PRKCE: variants seen among roughly 807,000 people sequenced by gnomAD.
PRKCE encodes protein kinase C epsilon, also known as protein kinase C epsilon type.
PRKCE carries 16 observed loss-of-function variants against 85.4 expected under a neutral mutation model. That is an observed-to-expected ratio of 0.19 (90% CI 0.13 to 0.28). The LOEUF is 0.28. Ranked by LOEUF, PRKCE falls within the 10% of genes least tolerant of loss-of-function variation. The pLI is 1.00. For missense variants in PRKCE, 573 were observed against 975.2 expected (o/e 0.59, Z 5.49); for synonymous variants, 388 against 371.5 (o/e 1.04, Z -0.51).
chr2:46,004,512 G>T lies in PRKCE; in HGVS notation c.967-30G>T. ...AAAACTCTCAACCCTCCCTTCTGAT[G>T]CCTCTGTCCCTGCTTTCTCTCCTCT... On this transcript the variant is annotated intron_variant, in intron 7 of 14. Transcript: ENST00000306156. This position sits in a 1 kb window ranked among gnomAD's most constrained non-coding sequence, Gnocchi z 4.1. 1 of 1,531,734 alleles carries T rather than the reference G, an allele frequency of 6.5e-7. No individual in the cohort carries two copies. The highest frequency in any genetic ancestry group is 1.2e-5 in the South Asian group (1 of 84,636). The allele number at this position is 1,531,734 out of a possible 1,614,324, so 94.9% of individuals were successfully genotyped here.
Position 46,184,595 on chromosome 2 carries a change from G to T in PRKCE, c.2068-140G>T. 1 of 1,095,476 alleles carries T rather than the reference G, an allele frequency of 9.1e-7. No individual in the cohort carries two copies. The highest frequency in any genetic ancestry group is 1.3e-6 in the Non-Finnish European group (1 of 762,552). 67.9% of individuals were successfully genotyped at this position (1,095,476 alleles called of 1,614,324 possible). On this transcript the variant is annotated intron_variant, in intron 14 of 14. Transcript: ENST00000306156. The surrounding 1 kb of genome is among the most constrained non-coding windows in gnomAD (Gnocchi z 5.0). Reference sequence around the variant, plus strand: ...GGGCCATCCATCGTTACCTCATCGGGACAGCCCCGTGTCTGCTGTCTGTTG... The same window carrying T: ...GGGCCATCCATCGTTACCTCATCGGTACAGCCCCGTGTCTGCTGTCTGTTG...
In PRKCE at chr2:45,999,289, C is replaced by T. The variant is rs552373825; in HGVS notation, c.824-2115C>T. On this transcript the variant is annotated intron_variant, in intron 6 of 14. Coordinates refer to ENST00000306156, the MANE Select transcript of PRKCE (RefSeq NM_005400.3). ...CAGATCACTGCCCATAAATTCCTTC[C>T]ATTTTTGTTTGTCTGAGGAAGTTTT... 3.3e-5 allele frequency among the ~76,000 whole-genome samples: 5 copies of T among 152,178 alleles called. No homozygotes were observed. The South Asian group carries it at 8.3e-4, about 25-fold the overall frequency.
chr2:46,036,733 G>T (rs1281633735), intron 10 of PRKCE, among the ~76,000 whole-genome samples: 1 of 152,152 alleles, frequency 6.6e-6, no homozygotes, highest in Non-Finnish European at 1.5e-5. Flanking sequence ...GCAAGAGGTA[G>T]GACTTGAGCT....
rs369414570 is a variant in PRKCE, at chr2:46,169,462, A to G, written c.2067+9710A>G. Among the ~76,000 whole-genome samples the G allele has an allele frequency of 9.5e-4, 144 of 152,298 alleles. 1 individual carries two copies. The highest frequency in any genetic ancestry group is 3.4e-3 in the African/African-American group (140 of 41,556). On this transcript the variant is annotated intron_variant, in intron 14 of 14. Coordinates refer to ENST00000306156, the MANE Select transcript of PRKCE (RefSeq NM_005400.3). ...TCCTTTCTGGACCTATTTCGCCTTA[A>G]CAGCAGCTTTCTTGGAGCACAGAGC...
intron 1 of PRKCE, among the ~76,000 whole-genome samples, chr2:45,781,062 G>C (rs1161444884): frequency 6.6e-6 from 1 of 152,180 alleles, no homozygotes; most frequent in Non-Finnish European, 1.5e-5. Flanking sequence ...GCCGGGCATA[G>C]TGGCTCAAGG....
intron 2 of PRKCE, among the ~76,000 whole-genome samples, chr2:45,949,596 C>G (rs570069084): frequency 6.6e-6 from 1 of 151,374 alleles, no homozygotes; most frequent in Non-Finnish European, 1.5e-5. Context: ...TTGCTTTTTG[C>G]TTTCTGTTTA....
intron 13 of PRKCE, among the ~76,000 whole-genome samples, chr2:46,154,402 A>G (rs1416459291): frequency 6.6e-6 from 1 of 151,370 alleles, no homozygotes; most frequent in East Asian, 1.9e-4. Flanking sequence ...CGTGGAAATT[A>G]CTTCTGTTGC....
intron 14 of PRKCE, among the ~76,000 whole-genome samples, chr2:46,174,527 G>A (rs768654695): frequency 4.6e-5 from 7 of 152,072 alleles, no homozygotes; most frequent in African/African-American, 9.7e-5. Context: ...CCCCTGGGTC[G>A]GTGTCCCCGA....
chr2:46,043,203 C>T (rs1708317395), intron 10 of PRKCE, among the ~76,000 whole-genome samples: 1 of 152,090 alleles, frequency 6.6e-6, no homozygotes, highest in Non-Finnish European at 1.5e-5. Flanking sequence ...ACTTCTGACC[C>T]AAAGCCCTCT....
At chr2:46,086,093 T>G in intron 10 of PRKCE, 115 bp from the exon 11 acceptor site, 1 of 1,114,484 alleles carries the variant, frequency 9.0e-7, no homozygotes, top group Non-Finnish European at 1.3e-6. Flanking sequence ...TCACCCACCT[T>G]TGAGGCTTCT....
At chr2:46,140,015 A>G (rs1191933065) in intron 11 of PRKCE, among the ~76,000 whole-genome samples, 2 of 152,196 alleles carry the variant, frequency 1.3e-5, no homozygotes, top group Non-Finnish European at 2.9e-5. Context: ...TAAGATCTAT[A>G]TGAGAGAATT....
intron 2 of PRKCE, among the ~76,000 whole-genome samples, chr2:45,958,953 C>G (rs753715379): frequency 4.6e-4 from 67 of 146,922 alleles, no homozygotes; most frequent in South Asian, 6.7e-4. Context: ...TTCAGGCTAG[C>G]TATTAACATC....
chr2:46,151,248 C>T lies in PRKCE; in HGVS notation c.1920+19C>T. Reference sequence around the variant, plus strand: ...GAAAGCTGTGAGTCACTGCCCCTCACCCATGGCTGTGCTCTCCTGGGCTCC... The same window carrying T: ...GAAAGCTGTGAGTCACTGCCCCTCATCCATGGCTGTGCTCTCCTGGGCTCC... On this transcript the variant is annotated intron_variant, in intron 13 of 14. Transcript: ENST00000306156. The T allele has an allele frequency of 6.3e-7, 1 of 1,587,294 alleles. No homozygotes were observed.
In PRKCE at chr2:45,978,932, G is replaced by C. The variant is rs10171157; in HGVS notation, c.573-44G>C. On this transcript the variant is annotated intron_variant, in intron 3 of 14. Coordinates refer to ENST00000306156, the MANE Select transcript of PRKCE (RefSeq NM_005400.3). ...GTTTTTCTGTTTGTTTTTTGACCTG[G>C]TAAGATTTCACTTTTTTTAAAAAAA... The C allele has an allele frequency of 8.5e-5, 134 of 1,582,828 alleles. 1 individual carries two copies. The East Asian group carries it at 2.6e-3, about 31-fold the overall frequency.
chr2:46,042,247 A>G (rs1574312922), intron 10 of PRKCE, among the ~76,000 whole-genome samples: 2 of 152,072 alleles, frequency 1.3e-5, no homozygotes, highest in East Asian at 3.9e-4. Context: ...CAGCTGACAC[A>G]CAGTCTGTCT....
chr2:45,946,235 G>A (rs1468205110), intron 2 of PRKCE, among the ~76,000 whole-genome samples: 4 of 152,244 alleles, frequency 2.6e-5, no homozygotes, highest in Non-Finnish European at 4.4e-5. Flanking sequence ...TAAGATTGTG[G>A]TGGTTTGTGA....
intron 11 of PRKCE, among the ~76,000 whole-genome samples, chr2:46,087,229 G>C (rs370374731): frequency 2.0e-5 from 3 of 151,782 alleles, no homozygotes; most frequent in African/African-American, 7.2e-5. Flanking sequence ...AACCAAGTAT[G>C]GACATCATCT....
chr2:45,730,699 ATCT>A (rs1558606504), intron 1 of PRKCE, among the ~76,000 whole-genome samples: 1 of 151,934 alleles, frequency 6.6e-6, no homozygotes, highest in Admixed American at 6.6e-5. Flanking sequence ...GCCTTAAGCT[ATCT>A]ACCCGCCTCA....
chr2:46,083,828 C>A (rs1033423947), intron 10 of PRKCE, among the ~76,000 whole-genome samples: 10 of 152,138 alleles, frequency 6.6e-5, no homozygotes, highest in African/African-American at 2.2e-4. Flanking sequence ...TGGAAGGAAT[C>A]CTTGAAATGA....
Sources: gnomAD v4.1 joint callset for allele counts (sites outside exome capture counted in the v4.1 genomes callset) on GRCh38, gnomAD v4.1.1 for gene constraint, Gnocchi (gnomAD v3.1) non-coding constraint, MANE v1.5 for transcripts, NCBI Gene and HGNC (gene_info 2026-07-23, HGNC 2026-07-21) for gene names.